Variants in EFHD1 observed in about 807,000 individuals in gnomAD.
EFHD1 encodes the protein EF-hand domain family member D1.
A neutral mutation model predicts 17.2 loss-of-function variants in EFHD1; 10 were observed. The ratio of observed to expected loss-of-function variants is 0.58; its 90% CI spans 0.36 to 0.99. The LOEUF (loss-of-function observed/expected upper bound fraction) is 0.99. Among genes scored for constraint, EFHD1 ranks in the 50% least tolerant of loss-of-function variants. The pLI is 0.01. For synonymous variants in EFHD1, 153 were observed against 142.0 expected (o/e 1.08, Z -0.55); for missense variants, 310 against 327.5 (o/e 0.95, Z 0.41).
intron 1 of EFHD1, among the ~76,000 whole-genome samples, chr2:232,655,345 C>A (rs1694741791): frequency 6.6e-6 from 1 of 152,150 alleles, no homozygotes; most frequent in Non-Finnish European, 1.5e-5. Context: ...CTGGGCCACC[C>A]CTTCTAAGGC....
At chr2:232,636,039 A>C (rs1694312897) in intron 1 of EFHD1, among the ~76,000 whole-genome samples, 1 of 152,238 alleles carries the variant, frequency 6.6e-6, no homozygotes, top group African/African-American at 2.4e-5. Context: ...TGCTGCCATC[A>C]GTGCTTAGTT....
intron 1 of EFHD1, among the ~76,000 whole-genome samples, chr2:232,644,382 C>T (rs1209444695): frequency 1.3e-5 from 2 of 152,114 alleles, no homozygotes; most frequent in African/African-American, 4.8e-5. Context: ...CCTTGATGGT[C>T]CTCATTCCTT....
chr2:232,613,645 TACAC>T lies in EFHD1; in HGVS notation c.14+7482_14+7485del, dbSNP rs755155291. On this transcript the variant is annotated intron_variant, in intron 1 of 3. Coordinates refer to the EFHD1 transcript ENST00000409613. ...ACACACACACACATATACACACACA[TACAC>T]ACACACACAAATACACACACACAAA... Among the ~76,000 whole-genome samples the T allele has an allele frequency of 1.5e-3, 195 of 132,592 alleles. 1 individual carries two copies. Among genetic ancestry groups the T allele is most frequent in the East Asian group, 4.4e-3 (20 of 4,504 alleles). The allele number at this position is 132,592 out of a possible 152,430, so 87.0% of individuals were successfully genotyped here.
At chr2:232,634,031 GC>G (rs1452491030) in intron 1 of EFHD1, 25 bp downstream of exon 1, 4 of 1,595,800 alleles carry the variant, frequency 2.5e-6, no homozygotes, top group East Asian at 2.3e-5. Flanking sequence ...CGCGCCCTTC[GC>G]CCCCGGGACC....
chr2:232,611,875 G>T, intron 1 of EFHD1: 1 of 152,372 alleles, frequency 6.6e-6, no homozygotes, highest in Non-Finnish European at 1.5e-5. Flanking sequence ...GTTCCCACAG[G>T]CCAGCACCCA....
In EFHD1 at chr2:232,681,843, T is replaced by C. The variant is rs1380770372; in HGVS notation, c.*124T>C. Reference sequence around the variant, plus strand: ...GCCAGCATCTCCATCCACCACCCCGTGCCAGCTCCCGTGCCAGCCTTCATT... The same window carrying C: ...GCCAGCATCTCCATCCACCACCCCGCGCCAGCTCCCGTGCCAGCCTTCATT... On this transcript the variant is annotated 3_prime_UTR_variant, in exon 4 of 4. Transcript: ENST00000264059. 1.4e-6 allele frequency: 2 copies of C among 1,409,120 alleles called. No homozygotes were observed. The highest frequency in any genetic ancestry group is 5.1e-5 in the Admixed American group (2 of 39,412). The allele number at this position is 1,409,120 out of a possible 1,614,324, so 87.3% of individuals were successfully genotyped here. A position where few individuals can be genotyped will look rare whatever the true frequency, so the allele number is the denominator to read the frequency against.
intron 1 of EFHD1, among the ~76,000 whole-genome samples, chr2:232,627,040 A>C (rs1473648): frequency 0.64 from 55,787 of 87,418 alleles, 16,735 homozygotes; most frequent in East Asian, 0.71. Context: ...CTCTCTCTAT[A>C]TATATATATA....
upstream of EFHD1, among the ~76,000 whole-genome samples, chr2:232,631,286 T>C (rs969557320): frequency 1.2e-4 from 18 of 148,118 alleles, no homozygotes; most frequent in African/African-American, 4.0e-4. Context: ...CTCTCTTTCT[T>C]TCTCTCTCTC....
chr2:232,606,069 C>A (rs1376946769), exon 1 of EFHD1: 3 of 1,431,140 alleles, frequency 2.1e-6, no homozygotes, highest in East Asian at 2.5e-5. Flanking sequence ...TAAGTGCAGG[C>A]GGATACCCCG....
intron 1 of EFHD1, among the ~76,000 whole-genome samples, chr2:232,655,544 A>T (rs13395911): frequency 0.58 from 88,683 of 152,096 alleles, 26,355 homozygotes; most frequent in South Asian, 0.66. Context: ...TGAACCTGTT[A>T]ACTTTGACTG....
intron 1 of EFHD1, among the ~76,000 whole-genome samples, chr2:232,608,884 C>T (rs1693764375): frequency 1.3e-5 from 2 of 151,194 alleles, no homozygotes; most frequent in South Asian, 2.1e-4. Context: ...AAGCCGGGAT[C>T]GCGCCACTGC....
At position 232,634,003 on chromosome 2, in the gene EFHD1, A is replaced by C. The variant is rs201353765; in HGVS notation, c.299A>C (p.Lys100Thr). The change falls in exon 1 of 4, where the codon AAA becomes ACA. Residue 100 changes from lysine to threonine, a missense_variant. By Grantham distance (78) the Lys-to-Thr change is moderately conservative. Coordinates refer to ENST00000264059, the MANE Select transcript of EFHD1 (RefSeq NM_025202.4). The part of the protein sequence containing the change: ...RLIKDLESMF[K>T]LYDAGRDGFI... ...ATCAAGGACCTGGAGAGCATGTTCAAACTGTGAGCTCCCGCTGCGCGCCCT... is the reference window on the plus strand; with the variant it reads ...ATCAAGGACCTGGAGAGCATGTTCACACTGTGAGCTCCCGCTGCGCGCCCT... 42 of 1,597,276 alleles carry C rather than the reference A, an allele frequency of 2.6e-5. No individual in the cohort carries two copies. The highest frequency in any genetic ancestry group is 3.3e-5 in the Admixed American group (2 of 59,974).
At chr2:232,623,589 G>A (rs570767192) in intron 1 of EFHD1, among the ~76,000 whole-genome samples, 92 of 146,196 alleles carry the variant, frequency 6.3e-4, no homozygotes, top group African/African-American at 2.3e-3. Flanking sequence ...CAGGAGAATC[G>A]CTTGAACCCG....
chr2:232,620,934 G>A (rs1250820649), intron 1 of EFHD1, among the ~76,000 whole-genome samples: 1 of 152,106 alleles, frequency 6.6e-6, no homozygotes, highest in Non-Finnish European at 1.5e-5. Flanking sequence ...GAATATAGGA[G>A]GAATTTGGGA....
intron 1 of EFHD1, among the ~76,000 whole-genome samples, chr2:232,611,312 G>T (rs1054779309): frequency 5.3e-5 from 8 of 152,198 alleles, no homozygotes; most frequent in Non-Finnish European, 7.4e-5. Flanking sequence ...GGGGTCGGGG[G>T]GGGGGCATCC....
chr2:232,636,269 G>C (rs1694318898), intron 1 of EFHD1, among the ~76,000 whole-genome samples: 1 of 152,178 alleles, frequency 6.6e-6, no homozygotes. Context: ...GTGAGCACTT[G>C]GAGGCAGGCT....
intron 1 of EFHD1, among the ~76,000 whole-genome samples, chr2:232,650,696 G>A (rs1006745939): frequency 6.7e-6 from 1 of 148,846 alleles, no homozygotes; most frequent in African/African-American, 2.5e-5. Context: ...AGCCTCCCAA[G>A]TAGCTGGGAT....
chr2:232,634,610 C>T (rs1200007350), intron 1 of EFHD1, among the ~76,000 whole-genome samples: 3 of 152,118 alleles, frequency 2.0e-5, no homozygotes, highest in Non-Finnish European at 4.4e-5. Flanking sequence ...CCGAACTTGG[C>T]CGCTGGCACC....
At chr2:232,629,636 C>T (rs1694167684), upstream of EFHD1, among the ~76,000 whole-genome samples, 2 of 151,712 alleles carry the variant, frequency 1.3e-5, no homozygotes, top group South Asian at 2.1e-4. Context: ...GCCCGGCTAA[C>T]GGTTGTATTT....
Sources: gnomAD v4.1 joint callset for allele counts (sites outside exome capture counted in the v4.1 genomes callset) on GRCh38, gnomAD v4.1.1 for gene constraint, MANE v1.5 for transcripts, NCBI Gene and HGNC (gene_info 2026-07-23, HGNC 2026-07-21) for gene names.